Variants in ABHD5 observed in about 807,000 individuals in gnomAD.
ABHD5 encodes abhydrolase domain containing 5, lysophosphatidic acid acyltransferase, also known as 1-acylglycerol-3-phosphate O-acyltransferase ABHD5.
ABHD5 carries 30 observed loss-of-function variants against 44.9 expected under a neutral mutation model. That is an observed-to-expected ratio of 0.67 (90% CI 0.50 to 0.91). The LOEUF (loss-of-function observed/expected upper bound fraction) is 0.91. Among genes scored for constraint, ABHD5 ranks in the 40% least tolerant of loss-of-function variants. The pLI is 0.00. For synonymous variants in ABHD5, 167 were observed against 147.0 expected, an observed-to-expected ratio of 1.14 and a Z score of -0.99; for missense variants, 399 against 423.4, an observed-to-expected ratio of 0.94 and a Z score of 0.50.
intron 3 of ABHD5, among the ~76,000 whole-genome samples, chr3:43,703,227 T>A (rs1019531282): frequency 2.6e-5 from 4 of 151,798 alleles, no homozygotes; most frequent in Non-Finnish European, 5.9e-5. Context: ...TCACCCAGGC[T>A]GGAGTGCAGT....
chr3:43,694,638 G>C (rs933447495), intron 1 of ABHD5, among the ~76,000 whole-genome samples: 1 of 151,994 alleles, frequency 6.6e-6, no homozygotes, highest in South Asian at 2.1e-4. Flanking sequence ...AAACAATGGG[G>C]AGATACGTGT....
intron 7 of ABHD5, among the ~76,000 whole-genome samples, chr3:43,729,783 T>G (rs771458496): frequency 6.6e-6 from 1 of 152,220 alleles, no homozygotes; most frequent in Non-Finnish European, 1.5e-5. Context: ...TAAATGTTAG[T>G]ATAGGCCAGC....
chr3:43,722,843 A>G (rs2084852181), downstream of ABHD5: 1 of 152,220 alleles, frequency 6.6e-6, no homozygotes, highest in African/African-American at 2.4e-5. Context: ...AGCAGAGGAG[A>G]AAAGAGACAC....
downstream of ABHD5, among the ~76,000 whole-genome samples, chr3:43,724,306 T>C (rs998069020): frequency 1.3e-5 from 2 of 151,770 alleles, no homozygotes; most frequent in Non-Finnish European, 2.9e-5. Context: ...GAGAGCACAG[T>C]TGGGGTGATG....
At chr3:43,697,127 G>A (rs1344836347) in intron 1 of ABHD5, among the ~76,000 whole-genome samples, 1 of 152,162 alleles carries the variant, frequency 6.6e-6, no homozygotes, top group South Asian at 2.1e-4. Flanking sequence ...AGTTGGTGGA[G>A]GTAGGCATGA....
rs1328388998 is a variant in ABHD5 at position 43,708,979 on chromosome 3, T to C, written c.507-2730T>C. ...AAAAGACTAGACTGGTTCTTGACCA[T>C]CTAAATGGATTTTGTTACCGAATAA... is the stretch of plus-strand genomic sequence containing the variant. On this transcript the variant is annotated intron_variant, in intron 3 of 6. Coordinates refer to ENST00000644371, the MANE Select transcript of ABHD5 (RefSeq NM_016006.6). 2.6e-5 allele frequency among the ~76,000 whole-genome samples: 4 copies of C among 152,228 alleles called. No individual in the cohort carries two copies. In the East Asian group the frequency reaches 7.7e-4, roughly 29 times the overall value.
At chr3:43,701,968 G>A (rs2084547138) in intron 2 of ABHD5, 4 of 433,406 alleles carry the variant, frequency 9.2e-6, no homozygotes, top group Admixed American at 4.0e-5. Flanking sequence ...AATATGACTT[G>A]CCAAAGACCT....
At position 43,704,565 on chromosome 3, in the gene ABHD5, T is replaced by G. The variant is rs533729560; in HGVS notation, c.506+1978T>G. 3.3e-4 allele frequency among the ~76,000 whole-genome samples: 50 copies of G among 152,332 alleles called. No homozygotes were observed. The South Asian group carries it at 5.6e-3, about 17-fold the overall frequency. The stretch of plus-strand genomic sequence containing the variant: ...ACTCTGCAGGCTAGACCTTGGTCAT[T>G]AAACCCTAAGTCTTAGAATCCTGAC... On this transcript the variant is annotated intron_variant, in intron 3 of 6. Coordinates refer to ENST00000644371, the MANE Select transcript of ABHD5 (RefSeq NM_016006.6).
rs2084841154 is a variant in ABHD5, at chr3:43,721,886, CAA to C, written c.*3356_*3357del. The C allele has an allele frequency of 6.6e-6, 1 of 152,002 alleles. No homozygotes were observed. The highest frequency in any genetic ancestry group is 1.5e-5 in the Non-Finnish European group (1 of 68,000). The allele number at this position is 152,002 out of a possible 1,614,324, so 9.4% of individuals were successfully genotyped here. The stretch of plus-strand genomic sequence containing the variant: ...ACATACAAGGATATGCATAAAAAGA[CAA>C]ATGCAAAATAAAATAAAATAATGGA... On this transcript the variant is annotated 3_prime_UTR_variant, in exon 7 of 7. Transcript: ENST00000644371.
chr3:43,733,884 C>T (rs1027470681), exon 8 of ABHD5: 12 of 152,278 alleles, frequency 7.9e-5, no homozygotes, highest in Middle Eastern at 3.4e-3. Context: ...TTTCAGAGCT[C>T]ATTCCGCAAA....
intron 1 of ABHD5, among the ~76,000 whole-genome samples, chr3:43,695,403 G>A (rs1280753992): frequency 2.0e-5 from 3 of 152,172 alleles, no homozygotes; most frequent in African/African-American, 4.8e-5. Flanking sequence ...ATAGAGAGCT[G>A]TGCTTAGGTT....
intron 3 of ABHD5, among the ~76,000 whole-genome samples, chr3:43,702,862 CA>C (rs1443516236): frequency 1.3e-5 from 2 of 151,032 alleles, no homozygotes; most frequent in African/African-American, 4.9e-5. Flanking sequence ...TTTTAAGCCA[CA>C]AGTAAAAATT....
intron 1 of ABHD5, chr3:43,691,311 T>G: frequency 3.3e-6 from 1 of 307,242 alleles, no homozygotes. Context: ...GCGCGGAGGG[T>G]CCGCCCCGTT....
At chr3:43,700,958 A>G (rs1463780960) in intron 2 of ABHD5, among the ~76,000 whole-genome samples, 1 of 152,130 alleles carries the variant, frequency 6.6e-6, no homozygotes, top group Non-Finnish European at 1.5e-5. Context: ...GAAAGATGTC[A>G]TTGTGATTTA....
rs975801764 is a variant in ABHD5 at position 43,694,580 on chromosome 3, A to G, written c.47+3541A>G. ...TTCAAGTGTGTTTGATAATGAGGTCATATAAGTGACTCTAAAATGGTTTGT... is the reference window on the plus strand; with the variant it reads ...TTCAAGTGTGTTTGATAATGAGGTCGTATAAGTGACTCTAAAATGGTTTGT... On this transcript the variant is annotated intron_variant, in intron 1 of 6. Coordinates refer to ENST00000644371, the MANE Select transcript of ABHD5 (RefSeq NM_016006.6). 2.0e-5 allele frequency among the ~76,000 whole-genome samples: 3 copies of G among 152,262 alleles called. No individual in the cohort carries two copies. The East Asian group carries it at 5.8e-4, about 29-fold the overall frequency.
chr3:43,731,718 A>G (rs1013336237), intron 7 of ABHD5, among the ~76,000 whole-genome samples: 3 of 152,068 alleles, frequency 2.0e-5, no homozygotes, highest in Admixed American at 6.6e-5. Context: ...TGTAATCCCA[A>G]CTACTCAGGA....
chr3:43,716,194 C>A (rs1261158980), intron 5 of ABHD5, among the ~76,000 whole-genome samples: 1 of 152,076 alleles, frequency 6.6e-6, no homozygotes, highest in East Asian at 1.9e-4. Context: ...GGAAGAGCAT[C>A]AAGAATAGAG....
intron 3 of ABHD5, 50 bp downstream of exon 3, chr3:43,702,637 C>G (rs1338617429): frequency 6.2e-7 from 1 of 1,613,500 alleles, no homozygotes; most frequent in Non-Finnish European, 8.5e-7. Context: ...TTCCAAGTAC[C>G]AGACTCTAGT....
In ABHD5 at chr3:43,721,950, A is replaced by G. The variant is rs1575609448; in HGVS notation, c.*3418A>G. ...TACCTGTGAGATTGGGGAAAATCCAAGTTAGGCAATGCACTCTGTTGAGAC... is the reference window on the plus strand; with the variant it reads ...TACCTGTGAGATTGGGGAAAATCCAGGTTAGGCAATGCACTCTGTTGAGAC... On this transcript the variant is annotated 3_prime_UTR_variant, in exon 7 of 7. Transcript: ENST00000644371. 1 of 152,230 alleles carries G rather than the reference A, an allele frequency of 6.6e-6. No individual in the cohort carries two copies. 9.4% of individuals were successfully genotyped at this position (152,230 alleles called of 1,614,324 possible). A position where few individuals can be genotyped will look rare whatever the true frequency, so the allele number is the denominator to read the frequency against.
Sources: gnomAD v4.1 joint callset for allele counts (sites outside exome capture counted in the v4.1 genomes callset) on GRCh38, gnomAD v4.1.1 for gene constraint, MANE v1.5 for transcripts, NCBI Gene and HGNC (gene_info 2026-07-23, HGNC 2026-07-21) for gene names.